The following RAD50 variants were observed in gnomAD, a reference collection of about 807,000 sequenced individuals.
RAD50 encodes RAD50 double strand break repair protein.
Under a neutral mutation model 168.8 loss-of-function variants are expected in RAD50, and 132 were observed. The ratio of observed to expected loss-of-function variants is 0.78; its 90% CI spans 0.68 to 0.90. RAD50 has a LOEUF of 0.90. Ranked by LOEUF, RAD50 falls within the 40% of genes least tolerant of loss-of-function variation. RAD50 has a pLI of 0.00. For synonymous variants in RAD50, 525 were observed against 497.4 expected, an observed-to-expected ratio of 1.06 and a Z score of -0.74; for missense variants, 1,347 against 1,534.4, an observed-to-expected ratio of 0.88 and a Z score of 2.04.
chr5:132,601,628 C>T (rs1750888653), intron 13 of RAD50, among the ~76,000 whole-genome samples: 1 of 152,112 alleles, frequency 6.6e-6, no homozygotes, highest in Admixed American at 6.6e-5. Flanking sequence ...AATACAAATA[C>T]CTCCTATTTC....
At chr5:132,633,186 C>T (rs184068699) in intron 21 of RAD50, among the ~76,000 whole-genome samples, 29 of 150,662 alleles carry the variant, frequency 1.9e-4, no homozygotes, top group African/African-American at 5.4e-4. Flanking sequence ...CTTCCTTCCG[C>T]CTCCATCTCC....
At chr5:132,591,819 C>A (rs1480365847) in intron 10 of RAD50, 58 bp from the exon 11 acceptor site, 2 of 1,275,806 alleles carry the variant, frequency 1.6e-6, no homozygotes, top group Non-Finnish European at 1.1e-6. Flanking sequence ...TATTTTTGTT[C>A]TTGATATAAT....
intron 21 of RAD50, among the ~76,000 whole-genome samples, chr5:132,624,697 G>C (rs1751340467): frequency 6.6e-6 from 1 of 151,954 alleles, no homozygotes; most frequent in African/African-American, 2.4e-5. Flanking sequence ...CCAGGAGTTT[G>C]AGACCAACCT....
chr5:132,588,069 C>T lies in RAD50; in HGVS notation c.1031C>T (p.Ser344Leu), dbSNP rs775145190. Reference protein sequence around the residue: ...KESRLLNQEKSELLVEQGRLQ... With the variant: ...KESRLLNQEKLELLVEQGRLQ... ...TCTAGGCTTCTCAATCAGGAAAAAT[C>T]AGAACTGCTTGTTGAACAGGGTAGG... is the stretch of plus-strand genomic sequence containing the variant. Residue 344 changes from serine to leucine, a missense_variant, in exon 7 of 25, where the codon TCA becomes TTA. Physicochemically the swap from Ser to Leu is moderately radical, Grantham distance 145. This residue lies in a region of RAD50 where 703 missense variants were observed against 767.7 expected (regional missense o/e 0.92). Coordinates refer to ENST00000378823, the MANE Select transcript of RAD50 (RefSeq NM_005732.4). 3 of 1,612,530 alleles carry T rather than the reference C, an allele frequency of 1.9e-6. No individual in the cohort carries two copies. The highest frequency in any genetic ancestry group is 3.3e-5 in the Admixed American group (2 of 59,996).
intron 16 of RAD50, among the ~76,000 whole-genome samples, chr5:132,608,336 T>G (rs1250629777): frequency 6.6e-6 from 1 of 152,218 alleles, no homozygotes; most frequent in Non-Finnish European, 1.5e-5. Context: ...GCGTAGTGGT[T>G]AAGAGCGTGA....
chr5:132,589,859 C>G, intron 9 of RAD50, 22 bp downstream of exon 9: 4 of 1,571,474 alleles, frequency 2.5e-6, no homozygotes, highest in Non-Finnish European at 3.5e-6. Flanking sequence ...TTTGAATAAT[C>G]TAATAATTTT....
chr5:132,575,879 A>T lies in RAD50; in HGVS notation c.316A>T (p.Ser106Cys), dbSNP rs1164800715. 1 of 1,611,084 alleles carries T rather than the reference A, an allele frequency of 6.2e-7. No individual in the cohort carries two copies. The highest frequency in any genetic ancestry group is 2.2e-5 in the East Asian group (1 of 44,850). The change falls in exon 3 of 25, where the codon AGC (serine) becomes TGC (cysteine). Residue 106 changes from serine (S) to cysteine (C), a missense_variant. Coordinates refer to ENST00000378823, the MANE Select transcript of RAD50 (RefSeq NM_005732.4). The stretch of plus-strand genomic sequence containing the variant: ...AAGATCTATGGTGTGTACTCAGAAA[A>T]GCAAAAAGACAGAATTTAAAACTCT... ...VQRSMVCTQKSKKTEFKTLEG... is the reference protein window; with the variant it reads ...VQRSMVCTQKCKKTEFKTLEG...
chr5:132,604,574 G>A (rs541530749), intron 15 of RAD50, among the ~76,000 whole-genome samples: 4 of 152,172 alleles, frequency 2.6e-5, no homozygotes, highest in African/African-American at 9.6e-5. Context: ...GCCATGAGCT[G>A]TATTCTTTCT....
rs1425057262 is a variant in RAD50, at chr5:132,637,074, AT to A, written c.3390-35del. On this transcript the variant is annotated intron_variant, in intron 21 of 24. Coordinates refer to ENST00000378823, the MANE Select transcript of RAD50 (RefSeq NM_005732.4). ...TTTAATATTACTATTACACATAATT[AT>A]TTTTTATATATATGAAGTACCAATG... The A allele has an allele frequency of 7.4e-6, 11 of 1,495,344 alleles. No individual in the cohort carries two copies. The African/African-American group carries it at 1.4e-4, about 19-fold the overall frequency. 92.6% of individuals were successfully genotyped at this position (1,495,344 alleles called of 1,614,324 possible).
intron 2 of RAD50, among the ~76,000 whole-genome samples, chr5:132,565,296 T>C (rs1340624211): frequency 6.6e-6 from 1 of 152,150 alleles, no homozygotes; most frequent in Non-Finnish European, 1.5e-5. Flanking sequence ...TTTCAGGTTT[T>C]TTTTTTATAG....
chr5:132,641,228 G>C (rs1751713540), intron 24 of RAD50, among the ~76,000 whole-genome samples: 1 of 152,172 alleles, frequency 6.6e-6, no homozygotes, highest in Non-Finnish European at 1.5e-5. Flanking sequence ...AGAACTGTGA[G>C]GAATGACAGA....
intron 24 of RAD50, 107 bp downstream of exon 24, chr5:132,640,912 A>C: frequency 6.4e-7 from 1 of 1,568,064 alleles, no homozygotes; most frequent in Non-Finnish European, 8.7e-7. Flanking sequence ...AACGTTCTCT[A>C]GCTGTGTTCC....
chr5:132,557,206 G>T lies in RAD50; in HGVS notation c.-119G>T, dbSNP rs537651422. The T allele has an allele frequency of 2.0e-5, 28 of 1,413,182 alleles. No homozygotes were observed. The highest frequency in any genetic ancestry group is 9.0e-6 in the Non-Finnish European group (9 of 1,004,700). 87.5% of individuals were successfully genotyped at this position (1,413,182 alleles called of 1,614,324 possible). ...TGGCAGTCCTGTGGCCTCGCTCCCC[G>T]CCCGGATCCTCCTGACCCTGAGATT... On this transcript the variant is annotated 5_prime_UTR_variant, in exon 1 of 25. Transcript: ENST00000378823.
intron 3 of RAD50, among the ~76,000 whole-genome samples, chr5:132,577,790 T>C (rs2149837017): frequency 6.7e-6 from 1 of 149,578 alleles, no homozygotes; most frequent in Admixed American, 6.6e-5. Context: ...CAGACCTATT[T>C]ACCCATTTCT....
intron 23 of RAD50, among the ~76,000 whole-genome samples, chr5:132,638,925 G>A (rs1456720979): frequency 2.6e-5 from 4 of 152,204 alleles, no homozygotes; most frequent in Admixed American, 2.0e-4. Context: ...TGAGCTTTCT[G>A]CTTTCAGATC....
At chr5:132,591,500 G>T (rs940434111) in intron 10 of RAD50, 94 bp downstream of exon 10, 9 of 1,253,800 alleles carry the variant, frequency 7.2e-6, no homozygotes, top group Admixed American at 1.9e-5. Flanking sequence ...TATTAAGTTG[G>T]TATTGACTAT....
At position 132,559,361 on chromosome 5, in the gene RAD50, T is replaced by C. The variant is rs1012689439; in HGVS notation, c.207T>C (p.Asp69=). 6.2e-7 allele frequency: 1 copy of C among 1,608,396 alleles called. No homozygotes were observed. Among genetic ancestry groups the C allele is most frequent in the African/African-American group, 1.3e-5 (1 of 74,966 alleles). The change falls in exon 2 of 25, where the codon GAT becomes GAC. Residue 69 remains aspartate (D), a synonymous_variant. Coordinates refer to ENST00000378823, the MANE Select transcript of RAD50 (RefSeq NM_005732.4). ...CCAAAGGAAATACATTTGTACACGA[T>C]CCCAAGGTAATGGTGCTAGTACAAT... is the stretch of plus-strand genomic sequence containing the variant. ...PGTKGNTFVH[D]PKVAQETDVR...
intron 2 of RAD50, among the ~76,000 whole-genome samples, chr5:132,565,782 A>G (rs568776393): frequency 7.2e-5 from 11 of 152,094 alleles, no homozygotes; most frequent in African/African-American, 9.6e-5. Context: ...TCCCCACACT[A>G]TTCCCTGGCG....
At chr5:132,631,802 A>G (rs1046835441) in intron 21 of RAD50, among the ~76,000 whole-genome samples, 28 of 151,708 alleles carry the variant, frequency 1.8e-4, no homozygotes, top group African/African-American at 6.8e-4. Context: ...ACTTCCTGGG[A>G]TCAAGCTATC....
Sources: gnomAD v4.1 joint callset for allele counts (sites outside exome capture counted in the v4.1 genomes callset) on GRCh38, gnomAD v4.1.1 for gene constraint, gnomAD v4.1.1 regional missense constraint, MANE v1.5 for transcripts, NCBI Gene and HGNC (gene_info 2026-07-23, HGNC 2026-07-21) for gene names.